The following PIP5K1B variants were observed in gnomAD, a reference collection of about 807,000 sequenced individuals.
The protein encoded by PIP5K1B is phosphatidylinositol 4-phosphate 5-kinase type-1 beta.
Under a neutral mutation model 67.0 loss-of-function variants are expected in PIP5K1B, and 42 were observed. The observed-to-expected ratio is 0.63, with a 90% CI of 0.49 to 0.81. The LOEUF (loss-of-function observed/expected upper bound fraction) is 0.81. Among genes scored for constraint, PIP5K1B ranks in the 30% least tolerant of loss-of-function variants. The probability of loss-of-function intolerance (pLI) is 0.00; values close to 1 mark genes in which losing one functional copy is unlikely to be tolerated. For missense variants in PIP5K1B, 459 were observed against 646.3 expected (o/e 0.71, Z 3.14); for synonymous variants, 214 against 231.4 (o/e 0.92, Z 0.68).
At chr9:68,970,721 A>G (rs984565767) in intron 14 of PIP5K1B, among the ~76,000 whole-genome samples, 1 of 152,242 alleles carries the variant, frequency 6.6e-6, no homozygotes, top group African/African-American at 2.4e-5. Context: ...AATCACATAT[A>G]AACATATGGA....
chr9:68,884,657 C>A (rs1237102943), intron 6 of PIP5K1B, among the ~76,000 whole-genome samples: 4 of 122,994 alleles, frequency 3.3e-5, no homozygotes, highest in African/African-American at 1.4e-4. Context: ...AGAGCAGGAC[C>A]TTGTCTTTAA....
rs2132221076 is a variant in PIP5K1B at position 68,705,451 on chromosome 9, G to A, written c.-554G>A. ...GCCGGAGGACCGGCGGGGAAGGAAG[G>A]GGAAAGCGGGGACACACACACTCGC... is the stretch of plus-strand genomic sequence containing the variant. On this transcript the variant is annotated 5_prime_UTR_variant, in exon 1 of 16. Coordinates refer to ENST00000265382, the MANE Select transcript of PIP5K1B (RefSeq NM_003558.4). 1 of 152,012 alleles carries A rather than the reference G, an allele frequency of 6.6e-6. No individual in the cohort carries two copies. The highest frequency in any genetic ancestry group is 2.1e-4 in the South Asian group (1 of 4,870). 9.4% of individuals were successfully genotyped at this position (152,012 alleles called of 1,614,324 possible). A position where few individuals can be genotyped will look rare whatever the true frequency, so the allele number is the denominator to read the frequency against.
chr9:68,901,740 T>C (rs1825365047), intron 8 of PIP5K1B, among the ~76,000 whole-genome samples: 1 of 152,214 alleles, frequency 6.6e-6, no homozygotes, highest in Non-Finnish European at 1.5e-5. Flanking sequence ...GAATCAAAGA[T>C]TGTTCGAGTT....
intron 4 of PIP5K1B, among the ~76,000 whole-genome samples, chr9:68,861,007 A>G (rs1479371666): frequency 1.3e-5 from 2 of 152,234 alleles, no homozygotes; most frequent in African/African-American, 4.8e-5. Flanking sequence ...GCCATTTAGT[A>G]GTAAACACTA....
chr9:68,913,562 C>G (rs1055241460), intron 8 of PIP5K1B, among the ~76,000 whole-genome samples: 1 of 152,216 alleles, frequency 6.6e-6, no homozygotes, highest in African/African-American at 2.4e-5. Context: ...TTTCTCATTA[C>G]AGAAGCCTTT....
At chr9:69,007,652 T>C (rs1012807824) in intron 15 of PIP5K1B, among the ~76,000 whole-genome samples, 7 of 152,122 alleles carry the variant, frequency 4.6e-5, no homozygotes, top group Admixed American at 1.3e-4. Context: ...GGTCAGGAGT[T>C]CAAGACCATC....
At chr9:68,962,638 CAG>C (rs1252829646) in intron 14 of PIP5K1B, among the ~76,000 whole-genome samples, 3 of 152,268 alleles carry the variant, frequency 2.0e-5, no homozygotes, top group East Asian at 3.9e-4. Flanking sequence ...ATTTGGAACT[CAG>C]AGAATTAAAA....
rs193188795 is a variant in PIP5K1B, at chr9:68,850,595, C to T, written c.70-13242C>T. ...GATGCTGCAGACAACCAGTAACATC[C>T]GCTATAAGCATTGTGTTATTTCCCC... On this transcript the variant is annotated intron_variant, in intron 4 of 15. Transcript: ENST00000265382. Among the ~76,000 whole-genome samples the T allele has an allele frequency of 3.2e-4, 48 of 152,290 alleles. 1 individual carries two copies. The East Asian group carries it at 8.7e-3, about 28-fold the overall frequency.
At chr9:68,944,913 C>T (rs1195949370) in intron 14 of PIP5K1B, among the ~76,000 whole-genome samples, 3 of 152,140 alleles carry the variant, frequency 2.0e-5, no homozygotes, top group African/African-American at 7.2e-5. Flanking sequence ...TATATCCGAG[C>T]GTGTTAGTAG....
intron 5 of PIP5K1B, among the ~76,000 whole-genome samples, chr9:68,867,771 A>G (rs1365477155): frequency 6.6e-6 from 1 of 152,172 alleles, no homozygotes; most frequent in Non-Finnish European, 1.5e-5. Flanking sequence ...GGATGAAGAA[A>G]GGGGTAGGTG....
intron 2 of PIP5K1B, chr9:68,780,797 A>G (rs1156859610): frequency 4.3e-6 from 7 of 1,614,122 alleles, no homozygotes; most frequent in Admixed American, 1.7e-5. Context: ...TGGAAACTGA[A>G]TATCAGCCAA....
intron 5 of PIP5K1B, among the ~76,000 whole-genome samples, chr9:68,870,850 T>G (rs533976575): frequency 6.6e-6 from 1 of 152,328 alleles, no homozygotes; most frequent in East Asian, 1.9e-4. Flanking sequence ...AGTACTAGTT[T>G]TGTCAAAAGT....
intron 2 of PIP5K1B, among the ~76,000 whole-genome samples, chr9:68,776,255 A>G (rs12350270): frequency 0.54 from 81,836 of 151,948 alleles, 22,127 homozygotes; most frequent in African/African-American, 0.57. Flanking sequence ...ATTCAGAGGT[A>G]GAAATTTGCC....
chr9:68,726,051 A>C (rs1828133955), intron 1 of PIP5K1B, among the ~76,000 whole-genome samples: 1 of 152,298 alleles, frequency 6.6e-6, no homozygotes, highest in South Asian at 2.1e-4. Flanking sequence ...AGTTTGTTTG[A>C]CTTTAACTGG....
chr9:68,921,889 A>G (rs1296407596), intron 11 of PIP5K1B, among the ~76,000 whole-genome samples: 1 of 152,104 alleles, frequency 6.6e-6, no homozygotes, highest in African/African-American at 2.4e-5. Context: ...TATACCTATC[A>G]TCTGCTTTTC....
chr9:69,006,870 T>C lies in PIP5K1B; in HGVS notation c.1621-1577T>C, dbSNP rs556166869. 5.9e-5 allele frequency among the ~76,000 whole-genome samples: 9 copies of C among 152,346 alleles called. No homozygotes were observed. In the East Asian group the frequency reaches 7.7e-4, roughly 13 times the overall value. On this transcript the variant is annotated intron_variant, in intron 15 of 15. Transcript: ENST00000265382. ...TAATCAGTAGGACCTCATCATTTTATGTGGGTTGTTTTGTATGTCACTGGT... is the reference window on the plus strand; with the variant it reads ...TAATCAGTAGGACCTCATCATTTTACGTGGGTTGTTTTGTATGTCACTGGT...
intron 1 of PIP5K1B, among the ~76,000 whole-genome samples, chr9:68,729,656 A>G (rs1173387527): frequency 6.6e-6 from 1 of 152,152 alleles, no homozygotes; most frequent in African/African-American, 2.4e-5. Flanking sequence ...AGGTACTATC[A>G]TTTTTATACA....
chr9:68,899,759 T>C (rs568710402), intron 8 of PIP5K1B, among the ~76,000 whole-genome samples: 3 of 152,352 alleles, frequency 2.0e-5, no homozygotes, highest in Admixed American at 6.5e-5. Context: ...CATTAGACTT[T>C]TTTTCTTTCC....
At chr9:68,885,564 T>C (rs1824424734) in intron 6 of PIP5K1B, among the ~76,000 whole-genome samples, 1 of 152,224 alleles carries the variant, frequency 6.6e-6, no homozygotes, top group African/African-American at 2.4e-5. Context: ...CCAATACATA[T>C]ATACAATTAT....
Sources: gnomAD v4.1 joint callset for allele counts (sites outside exome capture counted in the v4.1 genomes callset) on GRCh38, gnomAD v4.1.1 for gene constraint, MANE v1.5 for transcripts, NCBI Gene and HGNC (gene_info 2026-07-23, HGNC 2026-07-21) for gene names.